The following DLG2 variants were observed in gnomAD, a reference collection of about 807,000 sequenced individuals.
The protein encoded by DLG2 is discs large MAGUK scaffold protein 2, also known as disks large homolog 2.
DLG2 carries 45 observed loss-of-function variants against 132.5 expected under a neutral mutation model. The observed-to-expected ratio is 0.34, with a 90% CI of 0.27 to 0.44. The LOEUF is 0.44. DLG2 is among the 20% of genes least tolerant of loss of function. The pLI is 1.00. For synonymous variants in DLG2, 424 were observed against 419.6 expected (o/e 1.01, Z -0.13); for missense variants, 1,045 against 1,196.9 (o/e 0.87, Z 1.87).
chr11:84,774,486 G>A (rs2070054679), intron 6 of DLG2, among the ~76,000 whole-genome samples: 1 of 151,952 alleles, frequency 6.6e-6, no homozygotes, highest in Admixed American at 6.6e-5. Context: ...AGTCCAAATA[G>A]CCAAAATAAT....
chr11:84,113,531 A>G (rs929151439), intron 9 of DLG2, among the ~76,000 whole-genome samples: 2 of 152,236 alleles, frequency 1.3e-5, no homozygotes, highest in Non-Finnish European at 2.9e-5. Flanking sequence ...TGAATTTTCA[A>G]GCACACATTA....
chr11:84,622,842 G>C (rs1221429572), intron 6 of DLG2, among the ~76,000 whole-genome samples: 1 of 152,148 alleles, frequency 6.6e-6, no homozygotes, highest in Non-Finnish European at 1.5e-5. Context: ...TTCTAGCTCT[G>C]TTTTGCCGGA....
chr11:84,843,290 TA>T (rs71036446), intron 6 of DLG2, among the ~76,000 whole-genome samples: 15,056 of 144,656 alleles, frequency 0.1, 837 homozygotes, highest in Non-Finnish European at 0.11. Context: ...ATAGTACTGT[TA>T]AAAAAAAAAA....
At chr11:83,849,281 T>TAAATAAATATATTAAC (rs1338224480) in intron 16 of DLG2, among the ~76,000 whole-genome samples, 1 of 149,290 alleles carries the variant, frequency 6.7e-6, no homozygotes, top group African/African-American at 2.5e-5. Flanking sequence ...ACCATATTAA[T>TAAATAAATATATTAAC]AAATAAGGGA....
At position 84,640,171 on chromosome 11, in the gene DLG2, A is replaced by G. The variant is rs560414239; in HGVS notation, c.358-105440T>C. 1.9e-5 allele frequency: 5 copies of G among 266,132 alleles called. No individual in the cohort carries two copies. The South Asian group carries it at 2.1e-4, about 11-fold the overall frequency. The allele number at this position is 266,132 out of a possible 1,614,324, so 16.5% of individuals were successfully genotyped here. On this transcript the variant is annotated intron_variant, in intron 6 of 27. Coordinates refer to ENST00000376104, the MANE Select transcript of DLG2 (RefSeq NM_001142699.3). ...AAGAGGCTCCGGTTGACAAATGGAG[A>G]AACAGAAAAGACCTGGCTACTGTCT...
At chr11:83,652,388 T>G (rs2070823912) in intron 18 of DLG2, among the ~76,000 whole-genome samples, 1 of 152,182 alleles carries the variant, frequency 6.6e-6, no homozygotes, top group Admixed American at 6.5e-5. Context: ...TTTGTGTTTT[T>G]GAGATGGAGT....
chr11:85,084,900 A>G (rs1014071694), intron 6 of DLG2, among the ~76,000 whole-genome samples: 1 of 152,174 alleles, frequency 6.6e-6, no homozygotes, highest in Admixed American at 6.5e-5. Flanking sequence ...TCAAAATGGT[A>G]TAAATTTTGA....
chr11:85,169,592 T>A (rs2078700527), intron 4 of DLG2, among the ~76,000 whole-genome samples: 1 of 152,146 alleles, frequency 6.6e-6, no homozygotes, highest in Non-Finnish European at 1.5e-5. Context: ...AAAGAACAGA[T>A]CATCATTTGT....
At chr11:85,517,916 T>C (rs1000181792) in intron 3 of DLG2, among the ~76,000 whole-genome samples, 1 of 152,152 alleles carries the variant, frequency 6.6e-6, no homozygotes, top group African/African-American at 2.4e-5. Context: ...CTGATGGTTA[T>C]TATAAGGAGA....
intron 7 of DLG2, among the ~76,000 whole-genome samples, chr11:84,295,195 G>T (rs779167157): frequency 6.6e-6 from 1 of 152,116 alleles, no homozygotes; most frequent in East Asian, 1.9e-4. Context: ...ATAAATTAAG[G>T]TAAGTTACTT....
At chr11:85,034,939 T>G (rs904528938) in intron 6 of DLG2, among the ~76,000 whole-genome samples, 1 of 152,188 alleles carries the variant, frequency 6.6e-6, no homozygotes, top group African/African-American at 2.4e-5. Context: ...AAGGTAAAAT[T>G]CTGGGCCATA....
chr11:85,249,066 C>A (rs913865311), intron 4 of DLG2, among the ~76,000 whole-genome samples: 3 of 151,908 alleles, frequency 2.0e-5, no homozygotes, highest in Admixed American at 6.6e-5. Flanking sequence ...ATTAAAAAAT[C>A]TTTTTCTTCA....
In DLG2 at chr11:83,789,979, C is replaced by T. The variant is rs1225661297; in HGVS notation, c.1723-3187G>A. 3.7e-6 allele frequency: 5 copies of T among 1,352,998 alleles called. No homozygotes were observed. In the African/African-American group the frequency reaches 6.0e-5, roughly 16 times the overall value. The allele number at this position is 1,352,998 out of a possible 1,614,324, so 83.8% of individuals were successfully genotyped here. A position where few individuals can be genotyped will look rare whatever the true frequency, so the allele number is the denominator to read the frequency against. On this transcript the variant is annotated intron_variant, in intron 17 of 27. Transcript: ENST00000376104. ...CAGGGTTCTCAGTCTTTCAGTAGTG[C>T]TTCTCCTGTAAATAATCCTTCATTT...
At chr11:84,623,101 C>T (rs17735188) in intron 6 of DLG2, among the ~76,000 whole-genome samples, 36,543 of 152,018 alleles carry the variant, frequency 0.24, 4,762 homozygotes, top group South Asian at 0.33. Flanking sequence ...ATCCCAAACA[C>T]CACCCTTTTG....
intron 24 of DLG2, 42 bp downstream of exon 24, chr11:83,471,584 G>T: frequency 7.1e-7 from 1 of 1,412,272 alleles, no homozygotes; most frequent in Non-Finnish European, 1.0e-6. Context: ...AGAAATCCAA[G>T]CTCTTTTTGT....
intron 18 of DLG2, among the ~76,000 whole-genome samples, chr11:83,683,950 C>A (rs914500093): frequency 1.3e-5 from 2 of 152,094 alleles, no homozygotes; most frequent in African/African-American, 4.8e-5. Flanking sequence ...TGCTTTACTT[C>A]CACCATTACT....
rs35833007 is a variant in DLG2, at chr11:84,906,381, A to AACACACACACACACACAC, written c.357+205262_357+205279dup. Among the ~76,000 whole-genome samples, 285 of 144,176 alleles carry AACACACACACACACACAC rather than the reference A, an allele frequency of 2.0e-3. 2 individuals are homozygous for AACACACACACACACACAC. Among genetic ancestry groups the AACACACACACACACACAC allele is most frequent in the Non-Finnish European group, 3.5e-3 (229 of 65,858 alleles). 94.6% of individuals were successfully genotyped at this position (144,176 alleles called of 152,430 possible). A position where few individuals can be genotyped will look rare whatever the true frequency, so the allele number is the denominator to read the frequency against. On this transcript the variant is annotated intron_variant, in intron 6 of 27. Coordinates refer to ENST00000376104, the MANE Select transcript of DLG2 (RefSeq NM_001142699.3). ...GTTGTCCATTACCCACAGCAAGGCT[A>AACACACACACACACACAC]ACACACACACACACACACACACACA...
intron 16 of DLG2, among the ~76,000 whole-genome samples, chr11:83,841,611 A>ACAT (rs1269239867): frequency 2.0e-5 from 3 of 152,262 alleles, no homozygotes; most frequent in African/African-American, 7.2e-5. Flanking sequence ...ATACAAAACG[A>ACAT]CATACGTTGG....
chr11:83,507,398 GAT>G (rs35883560), intron 21 of DLG2, among the ~76,000 whole-genome samples: 59,408 of 144,218 alleles, frequency 0.41, 12,491 homozygotes, highest in African/African-American at 0.52. Context: ...GAACAAATAG[GAT>G]ATATATATAT....
Sources: gnomAD v4.1 joint callset for allele counts (sites outside exome capture counted in the v4.1 genomes callset) on GRCh38, gnomAD v4.1.1 for gene constraint, MANE v1.5 for transcripts, NCBI Gene and HGNC (gene_info 2026-07-23, HGNC 2026-07-21) for gene names.